The following C8orf89 variants were observed in gnomAD, a reference collection of about 807,000 sequenced individuals.
C8orf89 encodes the protein putative uncharacterized protein C8orf89.
C8orf89 carries 14 observed loss-of-function variants against 15.8 expected under a neutral mutation model. That is an observed-to-expected ratio of 0.89 (90% CI 0.59 to 1.39). C8orf89 has a LOEUF of 1.39. Among genes scored for constraint, C8orf89 ranks in the 40% most tolerant of loss-of-function variants. The pLI, the probability that C8orf89 is intolerant of heterozygous loss-of-function variation, is 0.00. For synonymous variants in C8orf89, 55 were observed against 62.2 expected (o/e 0.88, Z 0.54); for missense variants, 181 against 184.5 (o/e 0.98, Z 0.11).
upstream of C8orf89, among the ~76,000 whole-genome samples, chr8:73,264,324 G>A (rs1813581252): frequency 1.3e-5 from 2 of 152,192 alleles, no homozygotes; most frequent in Non-Finnish European, 2.9e-5. Context: ...CATGTCCACA[G>A]GAGACTAGGA....
the C8orf89 span, among the ~76,000 whole-genome samples, chr8:73,284,847 T>A: frequency 6.6e-6 from 1 of 152,180 alleles, no homozygotes; most frequent in Non-Finnish European, 1.5e-5. Flanking sequence ...GAGCAAGAAT[T>A]CTTGTGCTTT....
the C8orf89 span, among the ~76,000 whole-genome samples, chr8:73,266,281 A>G: frequency 1.3e-5 from 2 of 152,228 alleles, no homozygotes; most frequent in East Asian, 1.9e-4. Flanking sequence ...CAGTGAGTGA[A>G]TGGACCTGCT....
At position 73,241,553 on chromosome 8, in the gene C8orf89, T is replaced by C; in HGVS notation, c.390A>G (p.Arg130=). Residue 130 remains arginine (R), a synonymous_variant, in exon 4 of 4, where the codon AGA becomes AGG. Coordinates refer to ENST00000624510, the MANE Select transcript of C8orf89 (RefSeq NM_001243237.3). The part of the protein sequence containing the change: ...LTGAPSQYLE[R]LSKIAILEYD... ...ATTCCAATATGGCTATTTTGGAAAG[T>C]CTCTCTAAGTATTGAGATGGTGCTC... 3 of 1,533,938 alleles carry C rather than the reference T, an allele frequency of 2.0e-6. No individual in the cohort carries two copies. The highest frequency in any genetic ancestry group is 2.6e-6 in the Non-Finnish European group (3 of 1,145,560).
chr8:73,262,107 T>G (rs1024749866), upstream of C8orf89, among the ~76,000 whole-genome samples: 1 of 152,144 alleles, frequency 6.6e-6, no homozygotes, highest in African/African-American at 2.4e-5. Flanking sequence ...AACTAAAATA[T>G]GGAGTAAATT....
At chr8:73,255,476 CTA>C (rs1813350350) in intron 2 of C8orf89, among the ~76,000 whole-genome samples, 1 of 152,164 alleles carries the variant, frequency 6.6e-6, no homozygotes, top group Admixed American at 6.5e-5. Context: ...ACAACAGGTG[CTA>C]GAGAGGATGT....
chr8:73,256,920 G>C, intron 2 of C8orf89, 53 bp downstream of exon 2: 1 of 1,342,006 alleles, frequency 7.5e-7, no homozygotes, highest in Non-Finnish European at 9.9e-7. Context: ...ACATTCAGCA[G>C]TATTACTACA....
At chr8:73,271,798 A>G in the C8orf89 span, among the ~76,000 whole-genome samples, 1 of 152,152 alleles carries the variant, frequency 6.6e-6, no homozygotes, top group South Asian at 2.1e-4. Context: ...GAGAGGCCTC[A>G]CAATCATGAG....
chr8:73,270,122 A>G, the C8orf89 span, among the ~76,000 whole-genome samples: 2 of 152,212 alleles, frequency 1.3e-5, no homozygotes, highest in Non-Finnish European at 2.9e-5. Flanking sequence ...GAAATGAAAA[A>G]CAACAAAGTT....
In C8orf89 at chr8:73,255,273, A is replaced by G. The variant is rs570288030; in HGVS notation, c.281+1700T>C. Among the ~76,000 whole-genome samples the G allele has an allele frequency of 3.1e-3, 466 of 152,316 alleles. 12 individuals carry two copies. In the South Asian group the frequency reaches 0.051, roughly 17 times the overall value. On this transcript the variant is annotated intron_variant, in intron 2 of 3. Transcript: ENST00000624510. Reference sequence around the variant, plus strand: ...CAATTAACTCAAACAAATTTACAAGAAAAAAACAAACAACCCCATCAAAAA... The same window carrying G: ...CAATTAACTCAAACAAATTTACAAGGAAAAAACAAACAACCCCATCAAAAA...
At chr8:73,264,757 C>T in the C8orf89 span, among the ~76,000 whole-genome samples, 2 of 152,202 alleles carry the variant, frequency 1.3e-5, no homozygotes, top group Non-Finnish European at 2.9e-5. Flanking sequence ...TCCCAAAGTG[C>T]TGGGATTACA....
At chr8:73,245,433 A>G (rs1813103807) in intron 3 of C8orf89, among the ~76,000 whole-genome samples, 1 of 152,236 alleles carries the variant, frequency 6.6e-6, no homozygotes, top group Admixed American at 6.5e-5. Context: ...AAGGTTGAAA[A>G]TTTAAAACAT....
chr8:73,275,484 C>T, the C8orf89 span, among the ~76,000 whole-genome samples: 1 of 152,070 alleles, frequency 6.6e-6, no homozygotes, highest in Non-Finnish European at 1.5e-5. Context: ...GTGATCAACC[C>T]ACCTCAGCCT....
chr8:73,242,867 C>T (rs1187209816), intron 3 of C8orf89, among the ~76,000 whole-genome samples: 2 of 152,240 alleles, frequency 1.3e-5, no homozygotes, highest in East Asian at 3.9e-4. Flanking sequence ...GTGTTTACTG[C>T]AGCACTGTTC....
intron 3 of C8orf89, among the ~76,000 whole-genome samples, chr8:73,242,511 C>T (rs1404564371): frequency 6.6e-6 from 1 of 152,100 alleles, no homozygotes; most frequent in Non-Finnish European, 1.5e-5. Context: ...CCTGAATAGA[C>T]ATTTCTGAAA....
At chr8:73,269,398 C>A in the C8orf89 span, among the ~76,000 whole-genome samples, 16 of 152,344 alleles carry the variant, frequency 1.1e-4, no homozygotes, top group East Asian at 2.9e-3. Context: ...CAGTTAACCA[C>A]CACTGTCATA....
At chr8:73,269,208 ACATGT>A in the C8orf89 span, among the ~76,000 whole-genome samples, 1 of 152,182 alleles carries the variant, frequency 6.6e-6, no homozygotes, top group Non-Finnish European at 1.5e-5. Context: ...ATTAGTCTAA[ACATGT>A]CATTCCCTCC....
the C8orf89 span, among the ~76,000 whole-genome samples, chr8:73,264,844 G>C: frequency 6.6e-6 from 1 of 152,152 alleles, no homozygotes; most frequent in Non-Finnish European, 1.5e-5. Context: ...ACAGATATCT[G>C]GAGGAATATC....
chr8:73,259,869 C>A (rs1813490575), upstream of C8orf89, among the ~76,000 whole-genome samples: 1 of 152,150 alleles, frequency 6.6e-6, no homozygotes, highest in African/African-American at 2.4e-5. Context: ...ATATTAAACA[C>A]ATATTCAATT....
chr8:73,257,400 T>A (rs1344481675), intron 1 of C8orf89, among the ~76,000 whole-genome samples: 1 of 152,218 alleles, frequency 6.6e-6, no homozygotes, highest in East Asian at 1.9e-4. Flanking sequence ...TCTGCTTTCA[T>A]TATTTTATAC....
Sources: allele counts gnomAD v4.1 joint callset (sites outside exome capture counted in the v4.1 genomes callset), GRCh38; gene constraint gnomAD v4.1.1; transcripts MANE v1.5; gene names NCBI Gene and HGNC (gene_info 2026-07-23, HGNC 2026-07-21).